The following FRMD6 variants were observed in gnomAD, a reference collection of about 807,000 sequenced individuals.
The protein encoded by FRMD6 is FERM domain-containing protein 6.
A neutral mutation model predicts 73.2 loss-of-function variants in FRMD6; 37 were observed. That is an observed-to-expected ratio of 0.51 (90% CI 0.39 to 0.66). The LOEUF (loss-of-function observed/expected upper bound fraction) is 0.66. FRMD6 is among the 30% of genes least tolerant of loss of function. FRMD6 has a pLI of 0.00. For synonymous variants in FRMD6, 273 were observed against 282.2 expected (o/e 0.97, Z 0.33); for missense variants, 714 against 780.5 (o/e 0.91, Z 1.02).
chr14:51,623,668 C>G (rs550580215), intron 2 of FRMD6, among the ~76,000 whole-genome samples: 2 of 152,184 alleles, frequency 1.3e-5, no homozygotes, highest in African/African-American at 4.8e-5. Context: ...CTGCTGCCCC[C>G]CTCTCACCAT....
the FRMD6 span, among the ~76,000 whole-genome samples, chr14:51,407,602 A>G: frequency 6.6e-6 from 1 of 151,926 alleles, no homozygotes; most frequent in Non-Finnish European, 1.5e-5. Flanking sequence ...TAAAAAAGGA[A>G]TTTGTCAATT....
intron 1 of FRMD6, among the ~76,000 whole-genome samples, chr14:51,534,985 G>C (rs576297799): frequency 6.6e-6 from 1 of 152,292 alleles, no homozygotes; most frequent in South Asian, 2.1e-4. Context: ...AGACTTTCAG[G>C]GAAAGGGAAG....
chr14:51,590,275 T>C (rs1467778623), intron 2 of FRMD6, among the ~76,000 whole-genome samples: 2 of 152,200 alleles, frequency 1.3e-5, no homozygotes, highest in Non-Finnish European at 2.9e-5. Context: ...TCCAGATGTT[T>C]GACCAGAGAA....
chr14:51,635,147 CT>C (rs1238478073), intron 2 of FRMD6, among the ~76,000 whole-genome samples: 3 of 152,126 alleles, frequency 2.0e-5, no homozygotes, highest in African/African-American at 7.2e-5. Context: ...CTTTGGGAGG[CT>C]GAGGTACAGA....
the FRMD6 span, among the ~76,000 whole-genome samples, chr14:51,403,339 T>A: frequency 2.8e-4 from 42 of 152,348 alleles, no homozygotes; most frequent in African/African-American, 9.4e-4. Context: ...TATTGTTTAG[T>A]TTTACCTGTA....
At chr14:51,594,743 A>T (rs1039486504) in intron 2 of FRMD6, among the ~76,000 whole-genome samples, 2 of 152,126 alleles carry the variant, frequency 1.3e-5, no homozygotes, top group African/African-American at 4.8e-5. Flanking sequence ...GATTACAGGC[A>T]TGAGCCACCA....
chr14:51,724,230 G>A (rs1438622251), intron 12 of FRMD6: 3 of 151,628 alleles, frequency 2.0e-5, no homozygotes, highest in African/African-American at 4.8e-5. Flanking sequence ...AAAACACTCA[G>A]CTAAGATTGA....
chr14:51,439,408 A>G, the FRMD6 span, among the ~76,000 whole-genome samples: 1 of 152,242 alleles, frequency 6.6e-6, no homozygotes, highest in Admixed American at 6.5e-5. Flanking sequence ...CATTTTATGC[A>G]TATGTCTCAA....
At chr14:51,678,580 A>G (rs1407739636) in intron 1 of FRMD6, among the ~76,000 whole-genome samples, 1 of 152,106 alleles carries the variant, frequency 6.6e-6, no homozygotes, top group Non-Finnish European at 1.5e-5. Flanking sequence ...ATTGCTAGGG[A>G]TTCATTCACA....
Position 51,704,772 on chromosome 14 carries a change from A to G in FRMD6, c.395A>G (p.Tyr132Cys). Reference protein sequence around the residue: ...LISDRAARYYYYWHLRKQVLH... With the variant: ...LISDRAARYYCYWHLRKQVLH... ...AGTGACAGAGCAGCAAGATACTATT[A>G]TTACTGGCACCTGAGAAAACAAGTT... is the stretch of plus-strand genomic sequence containing the variant. The change falls in exon 6 of 14, where the codon TAT becomes TGT. Residue 132 changes from tyrosine (Y) to cysteine (C), a missense_variant. Tyr to Cys is a radical substitution (Grantham distance 194, BLOSUM62 -2). Coordinates refer to ENST00000344768, the MANE Select transcript of FRMD6 (RefSeq NM_001267046.2). 2 of 1,612,738 alleles carry G rather than the reference A, an allele frequency of 1.2e-6. No homozygotes were observed. The highest frequency in any genetic ancestry group is 1.1e-5 in the South Asian group (1 of 90,986).
chr14:51,645,577 T>C (rs1400357277), intron 2 of FRMD6, among the ~76,000 whole-genome samples: 1 of 152,124 alleles, frequency 6.6e-6, no homozygotes, highest in African/African-American at 2.4e-5. Context: ...GCTGGGACCA[T>C]AGCTGCAAGC....
At chr14:51,642,031 G>A (rs1594642283) in intron 2 of FRMD6, among the ~76,000 whole-genome samples, 1 of 152,080 alleles carries the variant, frequency 6.6e-6, no homozygotes, top group East Asian at 1.9e-4. Context: ...TTATTAATAA[G>A]GCCACGTACC....
intron 2 of FRMD6, among the ~76,000 whole-genome samples, chr14:51,636,083 T>C (rs1022835155): frequency 5.3e-5 from 8 of 152,172 alleles, no homozygotes; most frequent in African/African-American, 1.2e-4. Context: ...AAACATTTAA[T>C]AGGGACTTAG....
Position 51,702,531 on chromosome 14 carries a change from C to G in FRMD6, c.314C>G (p.Pro105Arg), listed in dbSNP as rs1351688958. 1.9e-6 allele frequency: 3 copies of G among 1,611,734 alleles called. No homozygotes were observed. The highest frequency in any genetic ancestry group is 2.5e-6 in the Non-Finnish European group (3 of 1,178,362). Residue 105 changes from proline to arginine, a missense_variant, in exon 5 of 14, where the codon CCT becomes CGT. Pro to Arg is a moderately radical substitution (Grantham distance 103). Coordinates refer to ENST00000344768, the MANE Select transcript of FRMD6 (RefSeq NM_001267046.2). ...TTCTAGGGTATCGACCAATTTGGGC[C>G]TCCTATGATCATCCACTTCCGTGTG... ...EVTWGIDQFG[P>R]PMIIHFRVQY...
rs563109944 is a variant in FRMD6, at chr14:51,645,868, A to G, written c.-146-43823A>G. Among the ~76,000 whole-genome samples, 44 of 152,330 alleles carry G rather than the reference A, an allele frequency of 2.9e-4. 1 individual carries two copies. In the South Asian group the frequency reaches 7.9e-3, roughly 27 times the overall value. ...GGGTAACTAAATTAAAACAGAATGGACAGGTTTCATAAATGCTCTTTGCCA... is the reference window on the plus strand; with the variant it reads ...GGGTAACTAAATTAAAACAGAATGGGCAGGTTTCATAAATGCTCTTTGCCA... On this transcript the variant is annotated intron_variant, in intron 2 of 14. Coordinates refer to the FRMD6 transcript ENST00000356218.
At chr14:51,491,612 C>T (rs571799014) in intron 1 of FRMD6, 1 of 152,198 alleles carries the variant, frequency 6.6e-6, no homozygotes, top group Admixed American at 6.5e-5. Context: ...CTACTGGTAT[C>T]CCCATTTCAT....
At chr14:51,694,912 A>G (rs756515475) in intron 2 of FRMD6, among the ~76,000 whole-genome samples, 45 of 152,134 alleles carry the variant, frequency 3.0e-4, no homozygotes, top group Non-Finnish European at 4.4e-4. Flanking sequence ...CTTCAGAGCC[A>G]TGGCCTTATT....
chr14:51,698,290 CT>C, intron 3 of FRMD6, 58 bp downstream of exon 3: 1 of 1,163,508 alleles, frequency 8.6e-7, no homozygotes, highest in Non-Finnish European at 1.3e-6. Flanking sequence ...GAAATGACAT[CT>C]TATAGCTATA....
intron 1 of FRMD6, among the ~76,000 whole-genome samples, chr14:51,490,460 T>C (rs1443228598): frequency 6.6e-6 from 1 of 152,118 alleles, no homozygotes; most frequent in Non-Finnish European, 1.5e-5. Context: ...TACAGACAAA[T>C]GCTGGGTCAT....
Sources: allele counts gnomAD v4.1 joint callset (sites outside exome capture counted in the v4.1 genomes callset), GRCh38; gene constraint gnomAD v4.1.1; transcripts MANE v1.5; gene names NCBI Gene and HGNC (gene_info 2026-07-23, HGNC 2026-07-21).